SPRY3: variants seen among roughly 807,000 people sequenced by gnomAD.
SPRY3 encodes the protein protein sprouty homolog 3.
Under a neutral mutation model 20.2 loss-of-function variants are expected in SPRY3, and 15 were observed. The ratio of observed to expected loss-of-function variants is 0.74; its 90% CI spans 0.50 to 1.14. The LOEUF is 1.14. SPRY3 is among the 50% of genes most tolerant of loss of function. The pLI, the probability that SPRY3 is intolerant of heterozygous loss-of-function variation, is 0.00. For missense variants in SPRY3, 364 were observed against 363.9 expected (o/e 1.00, Z 0.00); for synonymous variants, 143 against 136.5 (o/e 1.05, Z -0.33).
intron 2 of SPRY3, among the ~76,000 whole-genome samples, chrX:155,744,408 G>T: frequency 6.6e-6 from 1 of 152,134 alleles, no homozygotes; most frequent in East Asian, 1.9e-4. Flanking sequence ...AAGTGGGAAA[G>T]AAGTGGTTAA....
chrX:155,767,703 A>ATAGGC, intron 2 of SPRY3: 1 of 98,830 alleles, frequency 1.0e-5, no homozygotes, highest in East Asian at 3.5e-4. Context: ...AGGAGGAGAA[A>ATAGGC]GAAGAGGAGG....
At chrX:155,733,732 GT>G (rs2091150043) in intron 2 of SPRY3, among the ~76,000 whole-genome samples, 2 of 152,080 alleles carry the variant, frequency 1.3e-5, no homozygotes, top group Admixed American at 1.3e-4. Flanking sequence ...ACAGAAGACT[GT>G]TTCATCAACA....
chrX:155,763,058 G>A (rs1353520391), intron 2 of SPRY3, among the ~76,000 whole-genome samples: 3 of 151,852 alleles, frequency 2.0e-5, no homozygotes, highest in Non-Finnish European at 4.4e-5. Flanking sequence ...CATGTTCTTC[G>A]CTGCAACATG....
At chrX:155,782,164 G>C (rs1188692741) in exon 2 of SPRY3, 1 of 167,000 alleles carries the variant, frequency 6.0e-6, no homozygotes, top group Non-Finnish European at 1.5e-5. Context: ...CAAGGGGGAG[G>C]GTTGCCCACT....
intron 2 of SPRY3, among the ~76,000 whole-genome samples, chrX:155,717,675 T>G (rs1419814878): frequency 6.6e-6 from 1 of 152,096 alleles, no homozygotes; most frequent in Non-Finnish European, 1.5e-5. Context: ...TCTGTTCCTG[T>G]GTCAGTTTAC....
chrX:155,668,943 C>A (rs2068032522), intron 2 of SPRY3, among the ~76,000 whole-genome samples: 1 of 110,947 alleles, frequency 9.0e-6, no homozygotes, highest in Non-Finnish European at 1.9e-5. Flanking sequence ...CTTTAACATT[C>A]CTCAATAAGT....
intron 2 of SPRY3, among the ~76,000 whole-genome samples, chrX:155,724,222 G>A (rs306922): frequency 0.13 from 19,583 of 152,092 alleles, 2,150 homozygotes; most frequent in African/African-American, 0.31. Context: ...GTAGCGTGAT[G>A]CCTCCAGCTT....
intron 2 of SPRY3, among the ~76,000 whole-genome samples, chrX:155,689,928 CTT>C (rs2068098552): frequency 1.1e-5 from 1 of 87,226 alleles, no homozygotes; most frequent in Admixed American, 1.2e-4. Flanking sequence ...AAATTGAGAT[CTT>C]TATAACTTTT....
At chrX:155,731,016 CA>C (rs1194438487) in intron 2 of SPRY3, among the ~76,000 whole-genome samples, 4 of 151,348 alleles carry the variant, frequency 2.6e-5, no homozygotes, top group African/African-American at 9.7e-5. Flanking sequence ...AGAGGACATA[CA>C]AAAAAAAGAA....
chrX:155,733,998 T>C (rs1383716647), intron 2 of SPRY3, among the ~76,000 whole-genome samples: 1 of 152,130 alleles, frequency 6.6e-6, no homozygotes, highest in South Asian at 2.1e-4. Flanking sequence ...TTCAGCTATC[T>C]AGACCACGAA....
chrX:155,720,327 C>T (rs1283212262), intron 2 of SPRY3, among the ~76,000 whole-genome samples: 8 of 152,130 alleles, frequency 5.3e-5, no homozygotes, highest in Non-Finnish European at 8.8e-5. Flanking sequence ...TAGTCCCTGG[C>T]TGCCAGACAG....
chrX:155,723,717 C>G (rs1272956031), intron 2 of SPRY3, among the ~76,000 whole-genome samples: 3 of 152,020 alleles, frequency 2.0e-5, no homozygotes, highest in African/African-American at 7.2e-5. Flanking sequence ...TAAAAATTTT[C>G]TCCCATTCTC....
chrX:155,626,221 CTTA>C lies in SPRY3; in HGVS notation c.-441+13583_-441+13585del, dbSNP rs1391836786. Among the ~76,000 whole-genome samples, 5 of 111,295 alleles carry C rather than the reference CTTA, an allele frequency of 4.5e-5. No individual in the cohort carries two copies. In the Admixed American group the frequency reaches 4.8e-4, roughly 11 times the overall value. Reference sequence around the variant, plus strand: ...TCCAACACTCATTTTAGTTGATTTCCTTATTATTATTGTAACTATCCTAGAGGA... The same window carrying C: ...TCCAACACTCATTTTAGTTGATTTCCTTATTATTGTAACTATCCTAGAGGA... On this transcript the variant is annotated intron_variant, in intron 1 of 3. Coordinates refer to ENST00000675360, the Ensembl canonical transcript of SPRY3.
At chrX:155,766,645 A>G (rs1033665690) in intron 2 of SPRY3, among the ~76,000 whole-genome samples, 9 of 152,202 alleles carry the variant, frequency 5.9e-5, no homozygotes, top group Non-Finnish European at 5.9e-5. Flanking sequence ...CTGGATGCCC[A>G]GAAGAAAGAT....
intron 2 of SPRY3, among the ~76,000 whole-genome samples, chrX:155,763,714 T>G (rs2091313388): frequency 6.6e-6 from 1 of 152,156 alleles, no homozygotes. Flanking sequence ...TCATGTGAAT[T>G]ATATATGGTT....
At chrX:155,726,119 T>A (rs982412992) in intron 2 of SPRY3, among the ~76,000 whole-genome samples, 1 of 152,198 alleles carries the variant, frequency 6.6e-6, no homozygotes, top group Admixed American at 6.5e-5. Flanking sequence ...TTCCATGTTG[T>A]TGTGCAGTTT....
intron 2 of SPRY3, chrX:155,767,670 G>C (rs1291631140): frequency 6.8e-6 from 1 of 147,470 alleles, no homozygotes; most frequent in Non-Finnish European, 1.5e-5. Context: ...AGGAGGAGAA[G>C]GGGGAGGAGA....
intron 1 of SPRY3, among the ~76,000 whole-genome samples, chrX:155,619,890 T>C (rs1557349257): frequency 1.8e-5 from 2 of 111,309 alleles, no homozygotes; most frequent in African/African-American, 6.5e-5. Flanking sequence ...TTTAAACATA[T>C]ACTTACAAAA....
chrX:155,675,415 T>C (rs1557355149), intron 2 of SPRY3, among the ~76,000 whole-genome samples: 1 of 111,164 alleles, frequency 9.0e-6, no homozygotes, highest in South Asian at 3.8e-4. Flanking sequence ...GGAAGTGTGA[T>C]ACATGAAAGT....
Sources: gnomAD v4.1 joint callset for allele counts (sites outside exome capture counted in the v4.1 genomes callset) on GRCh38, gnomAD v4.1.1 for gene constraint, MANE v1.5 for transcripts, NCBI Gene and HGNC (gene_info 2026-07-23, HGNC 2026-07-21) for gene names.